The following EFHC2 variants were observed in gnomAD, a reference collection of about 807,000 sequenced individuals.
EFHC2 encodes EF-hand domain-containing family member C2.
In EFHC2, 18 loss-of-function variants were observed where a neutral mutation model predicts 52.7. The observed-to-expected ratio is 0.34, with a 90% CI of 0.24 to 0.51. The LOEUF is 0.51. Ranked by LOEUF, EFHC2 falls within the 20% of genes least tolerant of loss-of-function variation. EFHC2 has a pLI of 0.97. For synonymous variants in EFHC2, 203 were observed against 204.1 expected, an observed-to-expected ratio of 0.99 and a Z score of 0.04; for missense variants, 513 against 562.5, an observed-to-expected ratio of 0.91 and a Z score of 0.89.
chrX:44,248,229 T>C (rs1383554036), intron 7 of EFHC2, 43 bp downstream of exon 7: 4 of 1,068,427 alleles, frequency 3.7e-6, no homozygotes, highest in African/African-American at 1.9e-5. Context: ...GAACAAACAA[T>C]TTAATTTTAA....
intron 14 of EFHC2, among the ~76,000 whole-genome samples, chrX:44,158,593 C>G (rs1602125434): frequency 1.8e-5 from 2 of 110,955 alleles, no homozygotes; most frequent in Admixed American, 1.9e-4. Flanking sequence ...CCCTGAAGCC[C>G]TACATGTGAC....
intron 2 of EFHC2, among the ~76,000 whole-genome samples, chrX:44,274,387 G>C (rs1450366284): frequency 4.5e-5 from 5 of 112,268 alleles, no homozygotes; most frequent in Non-Finnish European, 9.4e-5. Flanking sequence ...GACAAGTATA[G>C]AGTTTCCTTC....
At chrX:44,189,148 G>T (rs893881668) in intron 11 of EFHC2, among the ~76,000 whole-genome samples, 8 of 107,634 alleles carry the variant, frequency 7.4e-5, no homozygotes, top group Non-Finnish European at 1.3e-4. Flanking sequence ...AAAAAAGAGG[G>T]CAAGAAGATG....
chrX:44,287,933 C>CT (rs2037764692), intron 2 of EFHC2, among the ~76,000 whole-genome samples: 1 of 112,175 alleles, frequency 8.9e-6, no homozygotes, highest in Admixed American at 9.5e-5. Context: ...AAACTGCCCA[C>CT]TTTGTCTTGG....
At chrX:44,246,750 CA>C (rs752579162) in intron 7 of EFHC2, among the ~76,000 whole-genome samples, 6 of 111,552 alleles carry the variant, frequency 5.4e-5, no homozygotes, top group African/African-American at 2.0e-4. Context: ...TTCATTTTCC[CA>C]AATGCAACTT....
intron 2 of EFHC2, among the ~76,000 whole-genome samples, chrX:44,296,598 G>A (rs756201530): frequency 8.9e-6 from 1 of 111,740 alleles, no homozygotes; most frequent in Non-Finnish European, 1.9e-5. Context: ...AAATCTATGA[G>A]TACAGTTATG....
intron 2 of EFHC2, among the ~76,000 whole-genome samples, chrX:44,283,138 C>T (rs770323695): frequency 8.9e-6 from 1 of 112,004 alleles, no homozygotes; most frequent in African/African-American, 3.2e-5. Flanking sequence ...CTGACATCTC[C>T]AAAGGGCCTT....
At chrX:44,192,016 T>C (rs1161864941) in intron 11 of EFHC2, among the ~76,000 whole-genome samples, 1 of 110,241 alleles carries the variant, frequency 9.1e-6, no homozygotes, top group Non-Finnish European at 1.9e-5. Flanking sequence ...AATCATGTCA[T>C]TCACCTCTTT....
intron 2 of EFHC2, among the ~76,000 whole-genome samples, chrX:44,279,807 C>A (rs2037688197): frequency 9.1e-6 from 1 of 110,321 alleles, no homozygotes; most frequent in African/African-American, 3.3e-5. Flanking sequence ...AGAAAATTAC[C>A]AAATTATATA....
rs780121386 is a variant in EFHC2, at chrX:44,235,465, G to T, written c.1281-18C>A. On this transcript the variant is annotated intron_variant, in intron 8 of 14. Coordinates refer to ENST00000420999, the MANE Select transcript of EFHC2 (RefSeq NM_025184.4). ...AGCCATAGCTAAATGGAAGAGAAATGAGAGTTAGAGCATTATACAGGTAAT... is the reference window on the plus strand; with the variant it reads ...AGCCATAGCTAAATGGAAGAGAAATTAGAGTTAGAGCATTATACAGGTAAT... 99 of 1,170,740 alleles carry T rather than the reference G, an allele frequency of 8.5e-5. No homozygotes were observed. The highest frequency in any genetic ancestry group is 1.0e-4 in the Non-Finnish European group (89 of 874,493).
chrX:44,236,933 G>A (rs2147326176), intron 8 of EFHC2, among the ~76,000 whole-genome samples: 1 of 111,534 alleles, frequency 9.0e-6, no homozygotes, highest in South Asian at 3.8e-4. Flanking sequence ...TTCAGGAAAA[G>A]GAATATTACT....
intron 7 of EFHC2, among the ~76,000 whole-genome samples, chrX:44,244,572 A>G (rs1004511941): frequency 5.3e-5 from 6 of 112,261 alleles, no homozygotes; most frequent in Non-Finnish European, 1.1e-4. Context: ...TTGTCAAAAC[A>G]TATATATATT....
chrX:44,237,002 T>C (rs2037325072), intron 8 of EFHC2, among the ~76,000 whole-genome samples: 1 of 111,231 alleles, frequency 9.0e-6, no homozygotes, highest in South Asian at 3.8e-4. Context: ...TTTTCACACG[T>C]TCAATATGCC....
At chrX:44,283,464 A>C (rs1230400066) in intron 2 of EFHC2, among the ~76,000 whole-genome samples, 3 of 111,293 alleles carry the variant, frequency 2.7e-5, no homozygotes, top group African/African-American at 9.8e-5. Flanking sequence ...TTACAGGCGT[A>C]AGCCACGGCG....
chrX:44,282,989 G>C lies in EFHC2; in HGVS notation c.232-10153C>G, dbSNP rs60024838. Among the ~76,000 whole-genome samples, 509 of 109,907 alleles carry C rather than the reference G, an allele frequency of 4.6e-3. 7 individuals carry two copies. The highest frequency in any genetic ancestry group is 0.016 in the African/African-American group (491 of 30,213). On this transcript the variant is annotated intron_variant, in intron 2 of 14. Transcript: ENST00000420999. ...AGGCGAGGTGATGGGGGCTGGGCAG[G>C]CTTCCCGACTCGGCTTCTACAGTAT...
intron 11 of EFHC2, among the ~76,000 whole-genome samples, chrX:44,214,142 AAG>A (rs936607919): frequency 8.9e-6 from 1 of 111,923 alleles, no homozygotes; most frequent in Non-Finnish European, 1.9e-5. Context: ...AAGGAGAAGA[AAG>A]AGAGAAAAGA....
At chrX:44,314,595 CTCTCTCTCTCTG>C (rs1195980017) in intron 1 of EFHC2, among the ~76,000 whole-genome samples, 2 of 110,702 alleles carry the variant, frequency 1.8e-5, no homozygotes, top group South Asian at 3.8e-4. Context: ...ATTCCCTCCA[CTCTCTCTCTCTG>C]TCTCTCTCTC....
rs569660638 is a variant in EFHC2 at position 44,245,889 on chromosome X, G to A, written c.1111+2383C>T. On this transcript the variant is annotated intron_variant, in intron 7 of 14. Coordinates refer to ENST00000420999, the MANE Select transcript of EFHC2 (RefSeq NM_025184.4). ...GAAGGTACTAAAGCACCAAGGCGGC[G>A]TACTGCGTTAGAAATCTCCCGTGAC... Among the ~76,000 whole-genome samples the A allele has an allele frequency of 3.9e-4, 44 of 111,659 alleles. No homozygotes were observed. In the South Asian group the frequency reaches 0.015, roughly 37 times the overall value.
intron 11 of EFHC2, among the ~76,000 whole-genome samples, chrX:44,195,391 T>C (rs1050783085): frequency 8.9e-6 from 1 of 111,777 alleles, no homozygotes; most frequent in East Asian, 2.8e-4. Flanking sequence ...CACGGACCTG[T>C]AAGCTAAATA....
Sources: allele counts gnomAD v4.1 joint callset (sites outside exome capture counted in the v4.1 genomes callset), GRCh38; gene constraint gnomAD v4.1.1; transcripts MANE v1.5; gene names NCBI Gene and HGNC (gene_info 2026-07-23, HGNC 2026-07-21).